The following MTUS2 variants were observed in gnomAD, a reference collection of about 807,000 sequenced individuals.
MTUS2 encodes the protein microtubule associated scaffold protein 2, also known as microtubule-associated tumor suppressor candidate 2.
In MTUS2, 40 loss-of-function variants were observed where a neutral mutation model predicts 114.1. That is an observed-to-expected ratio of 0.35 (90% CI 0.27 to 0.46). The LOEUF (loss-of-function observed/expected upper bound fraction) is 0.46, where lower values mean the gene tolerates loss of function less well. Ranked by LOEUF, MTUS2 falls within the 20% of genes least tolerant of loss-of-function variation. The probability of loss-of-function intolerance (pLI) is 1.00; values close to 1 mark genes in which losing one functional copy is unlikely to be tolerated. For missense variants in MTUS2, 1,679 were observed against 1,705.4 expected (o/e 0.98, Z 0.27); for synonymous variants, 688 against 672.0 (o/e 1.02, Z -0.37).
rs1423179053 is a variant in MTUS2, at chr13:29,414,364, G to A, written c.3118-25619G>A. 2.6e-4 allele frequency among the ~76,000 whole-genome samples: 30 copies of A among 113,320 alleles called. No homozygotes were observed. The South Asian group carries it at 7.2e-3, about 27-fold the overall frequency. The allele number at this position is 113,320 out of a possible 152,430, so 74.3% of individuals were successfully genotyped here. On this transcript the variant is annotated intron_variant, in intron 8 of 15. Transcript: ENST00000612955. ...AGATATACCTAATGCTAGATGACAC[G>A]TTAGTGGGTGCAGCGCACCAGCATG...
chr13:29,312,738 C>G (rs974013615), intron 6 of MTUS2, among the ~76,000 whole-genome samples: 3 of 152,168 alleles, frequency 2.0e-5, no homozygotes, highest in African/African-American at 7.2e-5. Flanking sequence ...TCTAATAGAT[C>G]ATGCAAAGTC....
At chr13:29,407,773 C>T (rs191119951) in intron 8 of MTUS2, among the ~76,000 whole-genome samples, 35 of 152,226 alleles carry the variant, frequency 2.3e-4, no homozygotes, top group African/African-American at 7.9e-4. Context: ...GCCACCACGC[C>T]TGGCCCTGAT....
intron 5 of MTUS2, among the ~76,000 whole-genome samples, chr13:29,233,857 C>T (rs1206054186): frequency 1.3e-5 from 2 of 152,200 alleles, no homozygotes; most frequent in Non-Finnish European, 2.9e-5. Context: ...AGGTTATTCT[C>T]ATCTGAAAAA....
intron 2 of MTUS2, among the ~76,000 whole-genome samples, chr13:28,987,868 A>G (rs1884660093): frequency 6.6e-6 from 1 of 152,180 alleles, no homozygotes; most frequent in Non-Finnish European, 1.5e-5. Flanking sequence ...TGTGTTTTTT[A>G]CCAAAAAACA....
intron 2 of MTUS2, among the ~76,000 whole-genome samples, chr13:28,991,713 C>A (rs1157305435): frequency 6.6e-6 from 1 of 152,134 alleles, no homozygotes; most frequent in Non-Finnish European, 1.5e-5. Flanking sequence ...GACTGTGAGC[C>A]TTTTTCCTGC....
At chr13:29,120,411 A>C (rs1593497582) in intron 5 of MTUS2, among the ~76,000 whole-genome samples, 3 of 152,226 alleles carry the variant, frequency 2.0e-5, no homozygotes, top group Admixed American at 2.0e-4. Context: ...GGAAAAAATC[A>C]GAACAGTATT....
chr13:29,452,741 C>A (rs765249413), intron 9 of MTUS2, among the ~76,000 whole-genome samples: 2 of 151,874 alleles, frequency 1.3e-5, no homozygotes, highest in Non-Finnish European at 2.9e-5. Flanking sequence ...ACTGTGCCTG[C>A]TAATGTTAAT....
rs1882533150 is a variant in MTUS2 at position 29,496,022 on chromosome 13, G to A, written c.3580-1216G>A. 6.6e-6 allele frequency among the ~76,000 whole-genome samples: 1 copy of A among 152,038 alleles called. No homozygotes were observed. The highest frequency in any genetic ancestry group is 2.4e-5 in the African/African-American group (1 of 41,390). ...TCTGTGTTTTGATATTACAGAAATG[G>A]TCCTGTGCAAAGAGCTTTGGACTGG... On this transcript the variant is annotated intron_variant, in intron 12 of 15. Coordinates refer to ENST00000612955, the MANE Select transcript of MTUS2 (RefSeq NM_001033602.4). The surrounding 1 kb of genome is among the most constrained non-coding windows in gnomAD (Gnocchi z 4.3).
intron 7 of MTUS2, among the ~76,000 whole-genome samples, chr13:29,337,806 T>TTTTTTTA (rs1901157226): frequency 6.6e-6 from 1 of 150,578 alleles, no homozygotes; most frequent in African/African-American, 2.5e-5. Flanking sequence ...TTTTTTTTTT[T>TTTTTTTA]GAGACAGAGT....
At chr13:29,017,523 A>G (rs1368122040) in intron 2 of MTUS2, among the ~76,000 whole-genome samples, 1 of 152,168 alleles carries the variant, frequency 6.6e-6, no homozygotes, top group Non-Finnish European at 1.5e-5. Context: ...AACATCCCCC[A>G]AATTTTCTTC....
chr13:29,389,371 G>GTATATA lies in MTUS2; in HGVS notation c.3117+29899_3117+29900insATATAT, dbSNP rs1566172653. On this transcript the variant is annotated intron_variant, in intron 8 of 15. Coordinates refer to ENST00000612955, the MANE Select transcript of MTUS2 (RefSeq NM_001033602.4). ...TGTGTGTATATATGTATGCACGTGT[G>GTATATA]TGTATATATGTATACACGTGTGTGT... Among the ~76,000 whole-genome samples, 55 of 64,386 alleles carry GTATATA rather than the reference G, an allele frequency of 8.5e-4. 5 individuals carry two copies. Among genetic ancestry groups the GTATATA allele is most frequent in the African/African-American group, 2.5e-3 (53 of 21,166 alleles). The allele number at this position is 64,386 out of a possible 152,430, so 42.2% of individuals were successfully genotyped here.
chr13:29,410,988 C>T (rs1414822911), intron 8 of MTUS2, among the ~76,000 whole-genome samples: 1 of 152,154 alleles, frequency 6.6e-6, no homozygotes, highest in Non-Finnish European at 1.5e-5. Flanking sequence ...CATGCCACCA[C>T]ACCCGGCTAA....
intron 2 of MTUS2, among the ~76,000 whole-genome samples, chr13:28,909,480 G>A (rs1294422022): frequency 6.6e-6 from 1 of 151,878 alleles, no homozygotes; most frequent in African/African-American, 2.4e-5. Flanking sequence ...CTCATGATTT[G>A]GCTCTCTGTT....
chr13:28,898,802 C>T lies in MTUS2; in HGVS notation c.-243+58952C>T, dbSNP rs186102450. On this transcript the variant is annotated intron_variant, in intron 2 of 15. Transcript: ENST00000612955. ...GCAAATAATATCATGTAATGGGCTG[C>T]GAATTTTTGGCATTTAAATGCTGAT... is the stretch of plus-strand genomic sequence containing the variant. 2.6e-5 allele frequency among the ~76,000 whole-genome samples: 4 copies of T among 152,154 alleles called. No individual in the cohort carries two copies. In the East Asian group the frequency reaches 5.8e-4, roughly 22 times the overall value.
rs147116847 is a variant in MTUS2, at chr13:28,992,783, G to A, written c.-242-31674G>A. Among the ~76,000 whole-genome samples, 30 of 152,174 alleles carry A rather than the reference G, an allele frequency of 2.0e-4. 1 individual carries two copies. In the East Asian group the frequency reaches 5.6e-3, roughly 28 times the overall value. ...AATTTTCTGTCTTACCCATTTTTAA[G>A]TGTACAGTTTAGTGGCATTAACTAC... On this transcript the variant is annotated intron_variant, in intron 2 of 15. Transcript: ENST00000612955.
At chr13:28,864,546 A>G (rs1424121016) in intron 2 of MTUS2, among the ~76,000 whole-genome samples, 1 of 152,254 alleles carries the variant, frequency 6.6e-6, no homozygotes, top group Admixed American at 6.5e-5. Context: ...TAATAGCTGA[A>G]GACCATGAAT....
intron 6 of MTUS2, among the ~76,000 whole-genome samples, chr13:29,303,964 G>T (rs552397426): frequency 6.6e-6 from 1 of 152,324 alleles, no homozygotes; most frequent in Admixed American, 6.5e-5. Context: ...CAAGCCAGAA[G>T]AGTTTGGAGG....
At chr13:29,290,256 G>A (rs1299529926) in intron 6 of MTUS2, among the ~76,000 whole-genome samples, 1 of 152,106 alleles carries the variant, frequency 6.6e-6, no homozygotes, top group African/African-American at 2.4e-5. Context: ...CTTTAAGGTG[G>A]GAGTCCTGAA....
At chr13:29,330,191 A>G (rs1336195884) in intron 7 of MTUS2, among the ~76,000 whole-genome samples, 2 of 152,190 alleles carry the variant, frequency 1.3e-5, no homozygotes, top group African/African-American at 4.8e-5. Context: ...CATTTCGCTA[A>G]TGACCAGCTT....
Sources: allele counts gnomAD v4.1 joint callset (sites outside exome capture counted in the v4.1 genomes callset), GRCh38; gene constraint gnomAD v4.1.1; non-coding constraint Gnocchi (gnomAD v3.1); transcripts MANE v1.5; gene names NCBI Gene and HGNC (gene_info 2026-07-23, HGNC 2026-07-21).